Variants in NRXN3 observed in about 807,000 individuals in gnomAD.
NRXN3 encodes the protein neurexin 3, also known as neurexin III.
A neutral mutation model predicts 137.6 loss-of-function variants in NRXN3; 32 were observed. That is an observed-to-expected ratio of 0.23 (90% confidence interval 0.18 to 0.31). The LOEUF is 0.31. Among genes scored for constraint, NRXN3 ranks in the 10% least tolerant of loss-of-function variants. The pLI is 1.00. For synonymous variants in NRXN3, 798 were observed against 784.5 expected (o/e 1.02, Z -0.29); for missense variants, 1,574 against 2,062.5 (o/e 0.76, Z 4.59).
intron 14 of NRXN3, among the ~76,000 whole-genome samples, chr14:78,977,396 C>G (rs985729345): frequency 7.9e-5 from 12 of 152,108 alleles, no homozygotes; most frequent in Non-Finnish European, 1.6e-4. Flanking sequence ...GGCTTTGAAA[C>G]TCCTTCTCTC....
chr14:78,343,103 T>TG (rs2082320301), intron 4 of NRXN3, among the ~76,000 whole-genome samples: 1 of 151,844 alleles, frequency 6.6e-6, no homozygotes, highest in Non-Finnish European at 1.5e-5. Flanking sequence ...AATCTAGAGG[T>TG]GGGGTCCAAC....
At chr14:78,698,432 C>T (rs17108073) in intron 6 of NRXN3, 4 of 152,032 alleles carry the variant, frequency 2.6e-5, no homozygotes, top group Non-Finnish European at 5.9e-5. Context: ...CAGCCAGAAG[C>T]TGCTAGTTAT....
At chr14:79,343,077 T>A (rs535457232) in intron 15 of NRXN3, among the ~76,000 whole-genome samples, 1 of 152,232 alleles carries the variant, frequency 6.6e-6, no homozygotes, top group African/African-American at 2.4e-5. Flanking sequence ...TGGACCAGAT[T>A]ACCAGTTTGG....
intron 3 of NRXN3, among the ~76,000 whole-genome samples, chr14:78,296,371 T>A (rs985471851): frequency 9.2e-5 from 14 of 152,204 alleles, no homozygotes; most frequent in Non-Finnish European, 2.9e-5. Context: ...GAGCGTCACC[T>A]ACTGAATTCA....
chr14:79,786,311 C>A (rs750883579), intron 19 of NRXN3, among the ~76,000 whole-genome samples: 2 of 152,044 alleles, frequency 1.3e-5, no homozygotes, highest in Non-Finnish European at 1.5e-5. Flanking sequence ...GAAATTGGGG[C>A]CAACGCTTAA....
intron 8 of NRXN3, among the ~76,000 whole-genome samples, chr14:78,758,933 C>T (rs2098680971): frequency 6.6e-6 from 1 of 152,134 alleles, no homozygotes; most frequent in African/African-American, 2.4e-5. Context: ...AGTTTCATCT[C>T]CTTTCATTTT....
chr14:79,819,994 A>G (rs549180126), intron 20 of NRXN3, among the ~76,000 whole-genome samples: 6 of 151,790 alleles, frequency 4.0e-5, no homozygotes, highest in African/African-American at 7.3e-5. Flanking sequence ...TTCACCCCCA[A>G]TTTTAGACCT....
At chr14:78,343,232 C>A (rs1021445959) in intron 4 of NRXN3, among the ~76,000 whole-genome samples, 2 of 152,142 alleles carry the variant, frequency 1.3e-5, no homozygotes, top group Middle Eastern at 3.2e-3. Flanking sequence ...TACATCAACA[C>A]CACACTATAA....
chr14:78,670,333 G>A (rs2097923089), intron 6 of NRXN3, among the ~76,000 whole-genome samples: 1 of 152,196 alleles, frequency 6.6e-6, no homozygotes, highest in Non-Finnish European at 1.5e-5. Flanking sequence ...GTGTGCATGT[G>A]TCTTTATCGT....
At chr14:79,821,795 G>A (rs2099273521) in intron 20 of NRXN3, among the ~76,000 whole-genome samples, 2 of 151,376 alleles carry the variant, frequency 1.3e-5, no homozygotes, top group Admixed American at 1.3e-4. Flanking sequence ...CAAAACTGAT[G>A]CCTACAAAGA....
At chr14:79,831,655 C>T (rs1030661433) in intron 20 of NRXN3, among the ~76,000 whole-genome samples, 6 of 152,084 alleles carry the variant, frequency 3.9e-5, no homozygotes, top group African/African-American at 9.7e-5. Context: ...TGAGGATGAG[C>T]GCTCTCAGTT....
intron 19 of NRXN3, among the ~76,000 whole-genome samples, chr14:79,727,225 G>A (rs1024519531): frequency 1.3e-5 from 2 of 152,172 alleles, no homozygotes; most frequent in East Asian, 1.9e-4. Flanking sequence ...GTGAAACTAC[G>A]ATGACCACAA....
In NRXN3 at chr14:79,861,920, G is replaced by A. The variant is rs200533333; in HGVS notation, c.4672G>A (p.Gly1558Ser). ...MKEKQQSSKS[G>S]HKKQKNKDRE... ...GGAGAAGCAGCAGAGCTCGAAGAGC[G>A]GCCACAAGAAACAGAAAAACAAGGA... The change falls in exon 21 of 21, where the codon GGC (glycine) becomes AGC (serine). Residue 1558 changes from glycine (G) to serine (S), a missense_variant. Physicochemically the swap from Gly to Ser is moderately conservative, Grantham distance 56. Transcript: ENST00000335750. This position sits in a 1 kb window ranked among gnomAD's most constrained non-coding sequence, Gnocchi z 5.4. The A allele has an allele frequency of 6.5e-5, 105 of 1,613,702 alleles. No individual in the cohort carries two copies. In the East Asian group the frequency reaches 2.3e-3, roughly 35 times the overall value.
intron 14 of NRXN3, among the ~76,000 whole-genome samples, chr14:78,979,112 CT>C (rs1287650641): frequency 6.6e-6 from 1 of 152,102 alleles, no homozygotes; most frequent in East Asian, 1.9e-4. Flanking sequence ...CCTACTCACA[CT>C]GGGGACCATC....
rs147550535 is a variant in NRXN3, at chr14:79,395,575, G to A, written c.3263-71646G>A. The stretch of plus-strand genomic sequence containing the variant: ...TGTAATCCCAGCACTTTGGGAGGCC[G>A]AGATGGGCAGATCATGAGGTCAGGA... On this transcript the variant is annotated intron_variant, in intron 15 of 20. Transcript: ENST00000335750. 8.6e-3 allele frequency among the ~76,000 whole-genome samples: 1,310 copies of A among 152,152 alleles called. 14 individuals are homozygous for A. The highest frequency in any genetic ancestry group is 0.03 in the African/African-American group (1,233 of 41,520).
intron 16 of NRXN3, among the ~76,000 whole-genome samples, chr14:79,592,869 C>T (rs1456468903): frequency 6.6e-6 from 1 of 152,142 alleles, no homozygotes; most frequent in African/African-American, 2.4e-5. Flanking sequence ...AATGCCTAGC[C>T]AGGTAGCATA....
At chr14:78,573,549 C>T (rs960355543) in intron 4 of NRXN3, among the ~76,000 whole-genome samples, 5 of 152,116 alleles carry the variant, frequency 3.3e-5, no homozygotes, top group Admixed American at 3.3e-4. Context: ...TGCATTTCAC[C>T]CCTGCCCTAG....
intron 15 of NRXN3, among the ~76,000 whole-genome samples, chr14:79,163,538 A>G (rs768253732): frequency 3.3e-5 from 5 of 151,962 alleles, no homozygotes; most frequent in Admixed American, 6.6e-5. Flanking sequence ...TGGTACAAAT[A>G]TAAGAAATCC....
intron 8 of NRXN3, among the ~76,000 whole-genome samples, chr14:78,780,320 A>G (rs1347462361): frequency 6.6e-6 from 1 of 152,194 alleles, no homozygotes; most frequent in African/African-American, 2.4e-5. Context: ...GATATATAAA[A>G]ATTTAAATGT....
Sources: gnomAD v4.1 joint callset for allele counts (sites outside exome capture counted in the v4.1 genomes callset) on GRCh38, gnomAD v4.1.1 for gene constraint, Gnocchi (gnomAD v3.1) non-coding constraint, MANE v1.5 for transcripts, NCBI Gene and HGNC (gene_info 2026-07-23, HGNC 2026-07-21) for gene names.